The following WDFY3 variants were observed in gnomAD, a reference collection of about 807,000 sequenced individuals.
WDFY3 encodes WD repeat and FYVE domain containing 3, also known as WD repeat and FYVE domain-containing protein 3.
A neutral mutation model predicts 409.6 loss-of-function variants in WDFY3; 66 were observed. The observed-to-expected ratio is 0.16, with a 90% confidence interval of 0.13 to 0.20. The LOEUF (loss-of-function observed/expected upper bound fraction) is 0.20. WDFY3 is among the 10% of genes least tolerant of loss of function. WDFY3 has a pLI of 1.00. For missense variants in WDFY3, 3,031 were observed against 4,298.1 expected (o/e 0.71, Z 8.24); for synonymous variants, 1,521 against 1,537.1 (o/e 0.99, Z 0.25).
intron 51 of WDFY3, 149 bp from the exon 52 acceptor site, chr4:84,709,496 T>C (rs1732531439): frequency 9.6e-6 from 6 of 622,872 alleles, no homozygotes; most frequent in Non-Finnish European, 1.7e-5. Flanking sequence ...TTTAGTGGGT[T>C]GTGATCAGCA....
At chr4:84,941,471 CAAT>C (rs1034029264) in intron 1 of WDFY3, among the ~76,000 whole-genome samples, 7 of 151,718 alleles carry the variant, frequency 4.6e-5, no homozygotes, top group African/African-American at 9.7e-5. Flanking sequence ...AACTATAAAA[CAAT>C]GATGAAATAA....
intron 50 of WDFY3, among the ~76,000 whole-genome samples, chr4:84,714,766 C>T (rs1329240549): frequency 3.9e-5 from 6 of 151,914 alleles, no homozygotes; most frequent in South Asian, 4.1e-4. Context: ...CTGGCTAACA[C>T]GGTGAAACTC....
At chr4:84,681,425 A>C (rs1279014093) in intron 64 of WDFY3, among the ~76,000 whole-genome samples, 1 of 152,200 alleles carries the variant, frequency 6.6e-6, no homozygotes, top group Non-Finnish European at 1.5e-5. Flanking sequence ...AAACACCCAG[A>C]TGACCTTTTT....
chr4:84,858,008 C>T (rs577236949), intron 4 of WDFY3, among the ~76,000 whole-genome samples: 2 of 152,280 alleles, frequency 1.3e-5, no homozygotes, highest in East Asian at 3.9e-4. Flanking sequence ...CCAACCTTCA[C>T]TGAGCCATCA....
chr4:84,933,603 C>A (rs940251002), intron 1 of WDFY3, among the ~76,000 whole-genome samples: 2 of 151,916 alleles, frequency 1.3e-5, no homozygotes, highest in South Asian at 4.1e-4. Context: ...TATTGTGCTA[C>A]CAAATACTAG....
At chr4:84,718,664 T>A in intron 47 of WDFY3, 94 bp from the exon 48 acceptor site, 1 of 1,398,772 alleles carries the variant, frequency 7.1e-7, no homozygotes, top group Non-Finnish European at 9.6e-7. Flanking sequence ...CTAAGCATAT[T>A]AAATCAGAGT....
chr4:84,786,234 T>A, intron 23 of WDFY3, 95 bp from the exon 24 acceptor site: 1 of 1,251,884 alleles, frequency 8.0e-7, no homozygotes, highest in Non-Finnish European at 1.1e-6. Context: ...TGAGGAGGCT[T>A]GAAAGTCTTA....
rs57757004 is a variant in WDFY3 at position 84,711,780 on chromosome 4, C to T, written c.8042+1379G>A. Among the ~76,000 whole-genome samples the T allele has an allele frequency of 6.7e-4, 102 of 151,378 alleles. No homozygotes were observed. The East Asian group carries it at 0.017, about 26-fold the overall frequency. The stretch of plus-strand genomic sequence containing the variant: ...GCAGAAGAATCGTTTGAACCTGGGA[C>T]GCGGAGGCTGCAGTGAACTGAGATG... On this transcript the variant is annotated intron_variant, in intron 51 of 67. Coordinates refer to ENST00000295888, the MANE Select transcript of WDFY3 (RefSeq NM_014991.6).
At chr4:84,844,324 G>A (rs1343023784) in intron 5 of WDFY3, 3 of 448,530 alleles carry the variant, frequency 6.7e-6, no homozygotes, top group African/African-American at 4.2e-5. Flanking sequence ...ATGAAGACAC[G>A]AAGCCCTAAA....
intron 13 of WDFY3, among the ~76,000 whole-genome samples, chr4:84,811,386 C>A (rs1752467759): frequency 6.6e-6 from 1 of 152,162 alleles, no homozygotes; most frequent in South Asian, 2.1e-4. Flanking sequence ...TGCTTTTATG[C>A]ACTAGCTTAT....
chr4:84,823,636 G>T (rs1285610940), intron 10 of WDFY3, among the ~76,000 whole-genome samples: 1 of 152,062 alleles, frequency 6.6e-6, no homozygotes, highest in Non-Finnish European at 1.5e-5. Flanking sequence ...TCTGAACCAA[G>T]GTAGAGAAAC....
intron 10 of WDFY3, among the ~76,000 whole-genome samples, chr4:84,824,429 C>T (rs1351366350): frequency 6.6e-6 from 1 of 152,044 alleles, no homozygotes; most frequent in Non-Finnish European, 1.5e-5. Context: ...TCTGTGGTTT[C>T]AGGTATCCAT....
chr4:84,875,072 A>C (rs539580030), intron 3 of WDFY3, among the ~76,000 whole-genome samples: 21 of 152,234 alleles, frequency 1.4e-4, no homozygotes, highest in Admixed American at 7.9e-4. Context: ...ATTTGAGACC[A>C]GCCTGGCCAA....
At chr4:84,780,628 G>A (rs989244247) in intron 25 of WDFY3, among the ~76,000 whole-genome samples, 2 of 152,058 alleles carry the variant, frequency 1.3e-5, no homozygotes, top group African/African-American at 4.8e-5. Context: ...GCCGGGCGTG[G>A]TTGCACGCGC....
At position 84,784,858 on chromosome 4, in the gene WDFY3, G is replaced by GTATATATATATA. The variant is rs71670882; in HGVS notation, c.4062+1109_4062+1120dup. On this transcript the variant is annotated intron_variant, in intron 24 of 67. Transcript: ENST00000295888. ...CATCTCAAAAAAAAAAAGTGTATAT[G>GTATATATATATA]TATATATATATATATATATATATAT... Among the ~76,000 whole-genome samples, 242 of 88,928 alleles carry GTATATATATATA rather than the reference G, an allele frequency of 2.7e-3. 1 individual carries two copies. Among genetic ancestry groups the GTATATATATATA allele is most frequent in the Non-Finnish European group, 4.0e-3 (198 of 49,962 alleles). The allele number at this position is 88,928 out of a possible 152,430, so 58.3% of individuals were successfully genotyped here. A position where few individuals can be genotyped will look rare whatever the true frequency, so the allele number is the denominator to read the frequency against.
chr4:84,810,716 T>C (rs552160911), intron 13 of WDFY3, among the ~76,000 whole-genome samples: 1 of 152,328 alleles, frequency 6.6e-6, no homozygotes, highest in African/African-American at 2.4e-5. Flanking sequence ...TATGACTGTG[T>C]GTATACAAAC....
At chr4:84,845,629 A>G (rs1379996549) in intron 5 of WDFY3, among the ~76,000 whole-genome samples, 1 of 152,222 alleles carries the variant, frequency 6.6e-6, no homozygotes, top group Non-Finnish European at 1.5e-5. Flanking sequence ...TGAAATATTA[A>G]GAGTTGGATG....
intron 3 of WDFY3, among the ~76,000 whole-genome samples, chr4:84,868,533 C>A (rs1761741949): frequency 6.6e-6 from 1 of 152,128 alleles, no homozygotes; most frequent in African/African-American, 2.4e-5. Context: ...TTAGCCCAGT[C>A]TATGGACCCA....
At chr4:84,807,294 T>C (rs1578612038) in intron 15 of WDFY3, among the ~76,000 whole-genome samples, 1 of 152,194 alleles carries the variant, frequency 6.6e-6, no homozygotes, top group Non-Finnish European at 1.5e-5. Flanking sequence ...AACAATCCTA[T>C]ATTCATTTAA....
Sources: gnomAD v4.1 joint callset for allele counts (sites outside exome capture counted in the v4.1 genomes callset) on GRCh38, gnomAD v4.1.1 for gene constraint, MANE v1.5 for transcripts, NCBI Gene and HGNC (gene_info 2026-07-23, HGNC 2026-07-21) for gene names.